DPF3: variants seen among roughly 807,000 people sequenced by gnomAD.
The protein encoded by DPF3 is double PHD fingers 3.
DPF3 carries 18 observed loss-of-function variants against 56.8 expected under a neutral mutation model. The observed-to-expected ratio is 0.32, with a 90% CI of 0.22 to 0.47. DPF3 has a LOEUF of 0.47. Ranked by LOEUF, DPF3 falls within the 20% of genes least tolerant of loss-of-function variation. The pLI is 1.00. For synonymous variants in DPF3, 188 were observed against 180.2 expected, an observed-to-expected ratio of 1.04 and a Z score of -0.35; for missense variants, 403 against 488.8, an observed-to-expected ratio of 0.82 and a Z score of 1.65.
In DPF3 at chr14:72,861,644, G is replaced by A. The variant is rs150967709; in HGVS notation, c.32+32413C>T. On this transcript the variant is annotated intron_variant, in intron 1 of 10. Coordinates refer to ENST00000556509, the MANE Select transcript of DPF3 (RefSeq NM_001280542.3). Reference sequence around the variant, plus strand: ...CTAACAAAGACTACATTTGGTGCACGAGAACTTCCAAATCACCTTTCTTAG... The same window carrying A: ...CTAACAAAGACTACATTTGGTGCACAAGAACTTCCAAATCACCTTTCTTAG... 1.8e-4 allele frequency among the ~76,000 whole-genome samples: 27 copies of A among 151,706 alleles called. No individual in the cohort carries two copies. The East Asian group carries it at 4.5e-3, about 25-fold the overall frequency.
At chr14:72,699,151 T>C (rs988347713) in intron 6 of DPF3, among the ~76,000 whole-genome samples, 1 of 152,084 alleles carries the variant, frequency 6.6e-6, no homozygotes, top group Non-Finnish European at 1.5e-5. Context: ...AAGAGGTGCC[T>C]ACACAGGATA....
intron 6 of DPF3, among the ~76,000 whole-genome samples, chr14:72,694,453 A>C (rs1349643701): frequency 6.6e-6 from 1 of 152,214 alleles, no homozygotes; most frequent in Non-Finnish European, 1.5e-5. Context: ...GCCTGGGTTC[A>C]AATCCCAGTT....
intron 6 of DPF3, among the ~76,000 whole-genome samples, chr14:72,706,690 A>G (rs936154295): frequency 6.6e-5 from 10 of 152,022 alleles, no homozygotes; most frequent in Non-Finnish European, 1.3e-4. Flanking sequence ...TTGCTTTCCT[A>G]TACTCCCCAC....
chr14:72,776,202 GTCTTA>G (rs1891737464), intron 1 of DPF3, among the ~76,000 whole-genome samples: 1 of 152,128 alleles, frequency 6.6e-6, no homozygotes, highest in Non-Finnish European at 1.5e-5. Context: ...GATGATTGAT[GTCTTA>G]GGCTAGAGGA....
chr14:72,809,939 T>C (rs963159357), intron 1 of DPF3, among the ~76,000 whole-genome samples: 2 of 152,142 alleles, frequency 1.3e-5, no homozygotes, highest in African/African-American at 4.8e-5. Context: ...ATCTGAGAAA[T>C]GGGGATATAA....
chr14:72,818,436 C>T (rs752949194), intron 1 of DPF3, among the ~76,000 whole-genome samples: 2 of 152,076 alleles, frequency 1.3e-5, no homozygotes, highest in African/African-American at 2.4e-5. Context: ...TCCCAGCACA[C>T]TGGGAGACCA....
chr14:72,881,500 C>T (rs898905099), intron 1 of DPF3, among the ~76,000 whole-genome samples: 5 of 152,166 alleles, frequency 3.3e-5, no homozygotes, highest in Non-Finnish European at 4.4e-5. Context: ...CGGCCTTCTT[C>T]GGAATCCACC....
chr14:72,620,732 T>G (rs1258086432), intron 9 of DPF3, among the ~76,000 whole-genome samples: 1 of 152,236 alleles, frequency 6.6e-6, no homozygotes, highest in East Asian at 1.9e-4. Context: ...CTAATCTACC[T>G]CAACTGGAAG....
intron 1 of DPF3, among the ~76,000 whole-genome samples, chr14:72,893,194 C>T (rs1371499992): frequency 6.6e-6 from 1 of 152,142 alleles, no homozygotes; most frequent in Non-Finnish European, 1.5e-5. Flanking sequence ...GGAGCAGACG[C>T]TGCCCCCTCG....
chr14:72,713,815 C>G (rs1036407217), intron 6 of DPF3, among the ~76,000 whole-genome samples: 3 of 152,328 alleles, frequency 2.0e-5, no homozygotes, highest in African/African-American at 7.2e-5. Context: ...GGCTCCCTAG[C>G]TCTGTCTGCA....
chr14:72,729,224 G>C (rs1438168626), intron 4 of DPF3, among the ~76,000 whole-genome samples: 3 of 151,866 alleles, frequency 2.0e-5, no homozygotes, highest in Admixed American at 1.3e-4. Context: ...CTCCAGCCTG[G>C]GCGACACAGC....
intron 8 of DPF3, among the ~76,000 whole-genome samples, chr14:72,659,427 A>G (rs918944379): frequency 6.6e-6 from 1 of 152,138 alleles, no homozygotes; most frequent in African/African-American, 2.4e-5. Context: ...CCATTATCAG[A>G]CACGTGAAAA....
intron 1 of DPF3, among the ~76,000 whole-genome samples, chr14:72,781,915 A>C (rs190996813): frequency 5.3e-5 from 8 of 152,326 alleles, no homozygotes; most frequent in Admixed American, 1.3e-4. Context: ...CTAGAAAGAA[A>C]ACATGCATCC....
intron 2 of DPF3, among the ~76,000 whole-genome samples, chr14:72,764,600 T>C (rs1034496647): frequency 7.1e-6 from 1 of 141,596 alleles, no homozygotes; most frequent in East Asian, 2.4e-4. Flanking sequence ...GCCATTCTCC[T>C]GCCTCAGCCT....
chr14:72,766,104 G>C (rs1477603162), intron 2 of DPF3, among the ~76,000 whole-genome samples: 1 of 152,168 alleles, frequency 6.6e-6, no homozygotes, highest in Non-Finnish European at 1.5e-5. Flanking sequence ...GGTTCCACAG[G>C]TGAATATATG....
intron 3 of DPF3, among the ~76,000 whole-genome samples, chr14:72,749,897 G>A (rs1009221469): frequency 6.6e-6 from 1 of 151,666 alleles, no homozygotes; most frequent in African/African-American, 2.4e-5. Flanking sequence ...AGAGAGAGAG[G>A]TAAAGAGAGA....
chr14:72,855,854 C>T (rs1460204221), intron 1 of DPF3, among the ~76,000 whole-genome samples: 3 of 152,296 alleles, frequency 2.0e-5, no homozygotes, highest in East Asian at 3.9e-4. Flanking sequence ...ACCTTTCGGG[C>T]TTTCATTGGC....
At chr14:72,738,632 CG>C (rs1890001136) in intron 3 of DPF3, among the ~76,000 whole-genome samples, 1 of 151,976 alleles carries the variant, frequency 6.6e-6, no homozygotes, top group Non-Finnish European at 1.5e-5. Context: ...AAGGCAAGGT[CG>C]GGGAATCAGG....
chr14:72,675,132 A>G (rs1399038142), intron 7 of DPF3, among the ~76,000 whole-genome samples: 2 of 152,214 alleles, frequency 1.3e-5, no homozygotes, highest in Non-Finnish European at 2.9e-5. Context: ...AACTGAACAC[A>G]CTAACTTCAA....
Sources: gnomAD v4.1 joint callset for allele counts (sites outside exome capture counted in the v4.1 genomes callset) on GRCh38, gnomAD v4.1.1 for gene constraint, MANE v1.5 for transcripts, NCBI Gene and HGNC (gene_info 2026-07-23, HGNC 2026-07-21) for gene names.